Variants in ZDHHC14 observed in about 807,000 individuals in gnomAD.
ZDHHC14 encodes the protein zDHHC palmitoyltransferase 14.
Under a neutral mutation model 47.7 loss-of-function variants are expected in ZDHHC14, and 16 were observed. The ratio of observed to expected loss-of-function variants is 0.34; its 90% CI spans 0.23 to 0.51. The LOEUF (loss-of-function observed/expected upper bound fraction) is 0.51. Among genes scored for constraint, ZDHHC14 ranks in the 20% least tolerant of loss-of-function variants. The probability of loss-of-function intolerance (pLI) is 0.97; values close to 1 mark genes in which losing one functional copy is unlikely to be tolerated. For missense variants in ZDHHC14, 515 were observed against 662.5 expected (o/e 0.78, Z 2.44); for synonymous variants, 293 against 278.9 (o/e 1.05, Z -0.50).
At chr6:157,636,985 C>T (rs145902522) in intron 5 of ZDHHC14, among the ~76,000 whole-genome samples, 77 of 152,334 alleles carry the variant, frequency 5.1e-4, no homozygotes, top group South Asian at 3.7e-3. Flanking sequence ...AAGAGTTCCT[C>T]CTCCAGTGAG....
At chr6:157,532,491 A>G (rs1342070053) in intron 1 of ZDHHC14, among the ~76,000 whole-genome samples, 1 of 152,180 alleles carries the variant, frequency 6.6e-6, no homozygotes, top group African/African-American at 2.4e-5. Context: ...GGAAAGAAAA[A>G]GGGAATCTAG....
chr6:157,648,141 A>C (rs1339496535), intron 7 of ZDHHC14, among the ~76,000 whole-genome samples: 1 of 152,232 alleles, frequency 6.6e-6, no homozygotes, highest in Non-Finnish European at 1.5e-5. Flanking sequence ...TTCAAAATAC[A>C]GATTCTTTGT....
intron 5 of ZDHHC14, among the ~76,000 whole-genome samples, chr6:157,636,296 G>GCA (rs1162290719): frequency 1.3e-5 from 2 of 150,562 alleles, no homozygotes; most frequent in Non-Finnish European, 3.0e-5. Flanking sequence ...AGCTATAGAC[G>GCA]CACACACACA....
At chr6:157,477,789 A>G (rs1253877780) in intron 1 of ZDHHC14, among the ~76,000 whole-genome samples, 2 of 152,204 alleles carry the variant, frequency 1.3e-5, no homozygotes, top group South Asian at 2.1e-4. Flanking sequence ...TTATATTTAG[A>G]AAGTTGTAAC....
intron 3 of ZDHHC14, among the ~76,000 whole-genome samples, chr6:157,626,895 G>A (rs879443778): frequency 2.0e-5 from 3 of 149,950 alleles, no homozygotes; most frequent in Non-Finnish European, 4.4e-5. Flanking sequence ...CCAGCTGGGG[G>A]GGGGGCGGCG....
chr6:157,636,199 A>AACACACAC (rs200065831), intron 5 of ZDHHC14, among the ~76,000 whole-genome samples: 53,230 of 150,696 alleles, frequency 0.35, 10,190 homozygotes, highest in East Asian at 0.82. Context: ...GATGGATTTA[A>AACACACAC]ACACACACAC....
chr6:157,579,190 G>GTTTTTTT lies in ZDHHC14; in HGVS notation c.407-13778_407-13772dup, dbSNP rs1187065924. ...GCCATTTTAATGATATTGATTCTGTGTTTTTTTTTTTTTTTTTTTTTTTTT... is the reference window on the plus strand; with the variant it reads ...GCCATTTTAATGATATTGATTCTGTGTTTTTTTTTTTTTTTTTTTTTTTTTTTTTTTT... On this transcript the variant is annotated intron_variant, in intron 2 of 8. Coordinates refer to ENST00000359775, the MANE Select transcript of ZDHHC14 (RefSeq NM_024630.3). 1.3e-4 allele frequency among the ~76,000 whole-genome samples: 8 copies of GTTTTTTT among 63,968 alleles called. 2 individuals are homozygous for GTTTTTTT. Among genetic ancestry groups the GTTTTTTT allele is most frequent in the Non-Finnish European group, 1.8e-4 (6 of 33,354 alleles). The allele number at this position is 63,968 out of a possible 152,430, so 42.0% of individuals were successfully genotyped here.
In ZDHHC14 at chr6:157,628,476, C is replaced by T; in HGVS notation, c.693C>T (p.His231=). ...TTATATTTGCATTCGTTATCACCCA[C>T]GTCATTCTTCGTAAGTATGCTGGCG... ...TVFIFAFVIT[H]VILRSQQTGF... Residue 231 remains histidine, a synonymous_variant, in exon 4 of 9, where the codon CAC becomes CAT. Coordinates refer to ENST00000359775, the MANE Select transcript of ZDHHC14 (RefSeq NM_024630.3). 1 of 1,612,028 alleles carries T rather than the reference C, an allele frequency of 6.2e-7. No homozygotes were observed. Among genetic ancestry groups the T allele is most frequent in the East Asian group, 2.2e-5 (1 of 44,864 alleles).
intron 3 of ZDHHC14, among the ~76,000 whole-genome samples, chr6:157,607,376 T>G (rs1784580524): frequency 6.6e-6 from 1 of 152,146 alleles, no homozygotes; most frequent in South Asian, 2.1e-4. Flanking sequence ...AATGCCGCAT[T>G]TAAAGGCTCT....
chr6:157,435,329 A>T (rs1171270061), intron 1 of ZDHHC14, among the ~76,000 whole-genome samples: 1 of 152,236 alleles, frequency 6.6e-6, no homozygotes, highest in African/African-American at 2.4e-5. Flanking sequence ...GCCCCGCAGA[A>T]GTGCTTGCAC....
intron 1 of ZDHHC14, among the ~76,000 whole-genome samples, chr6:157,399,236 C>T (rs1032304072): frequency 1.3e-5 from 2 of 152,096 alleles, no homozygotes; most frequent in Non-Finnish European, 2.9e-5. Context: ...TCTCTTGAGT[C>T]AAGAAATATT....
intron 8 of ZDHHC14, among the ~76,000 whole-genome samples, chr6:157,661,151 G>T (rs1778328300): frequency 6.6e-6 from 1 of 152,100 alleles, no homozygotes; most frequent in Admixed American, 6.5e-5. Flanking sequence ...GTTGACTTAG[G>T]CATGTGGAAT....
intron 1 of ZDHHC14, among the ~76,000 whole-genome samples, chr6:157,390,413 T>C (rs143322130): frequency 0.018 from 2,684 of 152,316 alleles, 69 homozygotes; most frequent in African/African-American, 0.061. Context: ...TTTGCCGAGC[T>C]TCTTGGATCT....
intron 1 of ZDHHC14, among the ~76,000 whole-genome samples, chr6:157,405,628 G>A (rs1019737637): frequency 2.0e-5 from 3 of 152,088 alleles, no homozygotes; most frequent in African/African-American, 7.2e-5. Context: ...TAATAATAAT[G>A]GTAATGATGA....
At chr6:157,387,469 G>A (rs1477303982) in intron 1 of ZDHHC14, among the ~76,000 whole-genome samples, 1 of 152,166 alleles carries the variant, frequency 6.6e-6, no homozygotes, top group African/African-American at 2.4e-5. Context: ...CACCATCTCA[G>A]AAAATATCTG....
chr6:157,438,610 A>G (rs1444541746), intron 1 of ZDHHC14, among the ~76,000 whole-genome samples: 1 of 152,240 alleles, frequency 6.6e-6, no homozygotes, highest in Non-Finnish European at 1.5e-5. Context: ...TAAACTTTAC[A>G]TTTTAACATT....
chr6:157,554,665 G>C (rs932774829), intron 2 of ZDHHC14, among the ~76,000 whole-genome samples: 1 of 152,166 alleles, frequency 6.6e-6, no homozygotes, highest in Non-Finnish European at 1.5e-5. Flanking sequence ...AAATCTCTCG[G>C]ATGTATCCAT....
intron 8 of ZDHHC14, among the ~76,000 whole-genome samples, chr6:157,663,221 T>C (rs1045415047): frequency 4.6e-5 from 7 of 152,222 alleles, no homozygotes; most frequent in Admixed American, 1.3e-4. Context: ...CCAAGCGCCA[T>C]GAGAACATCG....
intron 6 of ZDHHC14, 121 bp from the exon 7 acceptor site, chr6:157,647,138 C>G (rs926646356): frequency 7.3e-6 from 5 of 684,476 alleles, no homozygotes; most frequent in Non-Finnish European, 1.2e-5. Context: ...AAGAAAAATA[C>G]CTCCATTTCT....
Sources: allele counts gnomAD v4.1 joint callset (sites outside exome capture counted in the v4.1 genomes callset), GRCh38; gene constraint gnomAD v4.1.1; transcripts MANE v1.5; gene names NCBI Gene and HGNC (gene_info 2026-07-23, HGNC 2026-07-21).